Variants in LRRCC1 observed in about 807,000 individuals in gnomAD.
LRRCC1 encodes the protein leucine rich repeat and coiled-coil centrosomal protein 1.
LRRCC1 carries 115 observed loss-of-function variants against 126.0 expected under a neutral mutation model. That is an observed-to-expected ratio of 0.91 (90% CI 0.78 to 1.07). The LOEUF (loss-of-function observed/expected upper bound fraction) is 1.07, where lower values mean the gene tolerates loss of function less well. Among genes scored for constraint, LRRCC1 ranks in the 50% least tolerant of loss-of-function variants. The probability of loss-of-function intolerance (pLI) is 0.00; values close to 1 mark genes in which losing one functional copy is unlikely to be tolerated. For missense variants in LRRCC1, 1,172 were observed against 1,175.7 expected, an observed-to-expected ratio of 1.00 and a Z score of 0.05; for synonymous variants, 400 against 393.4, an observed-to-expected ratio of 1.02 and a Z score of -0.20.
chr8:85,145,808 G>A lies in LRRCC1; in HGVS notation c.*297G>A, dbSNP rs923386016. ...CACATTTGCCTACAAATTTGTGAATGAAAAGATTAGTATTTTCACCATATG... is the reference window on the plus strand; with the variant it reads ...CACATTTGCCTACAAATTTGTGAATAAAAAGATTAGTATTTTCACCATATG... On this transcript the variant is annotated 3_prime_UTR_variant, in exon 19 of 19. Coordinates refer to ENST00000360375, the MANE Select transcript of LRRCC1 (RefSeq NM_033402.5). The A allele has an allele frequency of 3.0e-5, 5 of 164,712 alleles. No homozygotes were observed. The allele number at this position is 164,712 out of a possible 1,614,324, so 10.2% of individuals were successfully genotyped here. A position where few individuals can be genotyped will look rare whatever the true frequency, so the allele number is the denominator to read the frequency against.
At position 85,141,528 on chromosome 8, in the gene LRRCC1, TA is replaced by T. The variant is rs1563960771; in HGVS notation, c.2976+15del. ...TCTGCAAATTTAAAGGTATTGTAAG[TA>T]AAATTCACTTCAATAATCAGTATAT... On this transcript the variant is annotated intron_variant, in intron 18 of 18. Transcript: ENST00000360375. The T allele has an allele frequency of 1.9e-6, 3 of 1,579,734 alleles. No individual in the cohort carries two copies. Among genetic ancestry groups the T allele is most frequent in the Non-Finnish European group, 2.6e-6 (3 of 1,156,654 alleles).
chr8:85,109,694 A>C lies in LRRCC1; in HGVS notation c.204A>C (p.Gln68His). ...CCATTGATCATATTTGGAATTTACAACATCTAGATCTGTCATCTAATCAAA... is the reference window on the plus strand; with the variant it reads ...CCATTGATCATATTTGGAATTTACACCATCTAGATCTGTCATCTAATCAAA... ...IEAIDHIWNL[Q>H]HLDLSSNQIS... The change falls in exon 2 of 19, where the codon CAA becomes CAC. Residue 68 changes from glutamine (Q) to histidine (H), a missense_variant. Gln to His is a conservative substitution (Grantham distance 24). Transcript: ENST00000360375. 6.2e-7 allele frequency: 1 copy of C among 1,605,386 alleles called. No homozygotes were observed. Among genetic ancestry groups the C allele is most frequent in the Non-Finnish European group, 8.5e-7 (1 of 1,172,296 alleles).
chr8:85,144,457 T>TAC (rs1811501572), intron 18 of LRRCC1, among the ~76,000 whole-genome samples: 1 of 44,318 alleles, frequency 2.3e-5, no homozygotes, highest in African/African-American at 8.9e-5. Flanking sequence ...TATATATATA[T>TAC]ATATATATAT....
chr8:85,124,800 G>T lies in LRRCC1; in HGVS notation c.1133G>T (p.Arg378Leu). ...TGTTTCATTCTTTACAGTTGTAATC[G>T]TAAAATGAAACCACCTTACCTTAAA... ...KNYNSFVSCN[R>L]KMKPPYLKEL... Residue 378 changes from arginine (R) to leucine (L), a missense_variant, in exon 8 of 19, where the codon CGT (arginine) becomes CTT (leucine). By Grantham distance (102) the Arg-to-Leu change is moderately radical. Transcript: ENST00000360375. The T allele has an allele frequency of 6.5e-7, 1 of 1,547,960 alleles. No individual in the cohort carries two copies. Among genetic ancestry groups the T allele is most frequent in the South Asian group, 1.2e-5 (1 of 80,790 alleles).
chr8:85,115,665 C>T (rs1587378114), intron 6 of LRRCC1, 81 bp downstream of exon 6: 1 of 989,004 alleles, frequency 1.0e-6, no homozygotes, highest in Non-Finnish European at 1.5e-6. Flanking sequence ...AAATTATGTA[C>T]TAGCTGACCA....
At chr8:85,128,959 A>G (rs1810226576) in intron 9 of LRRCC1, among the ~76,000 whole-genome samples, 1 of 151,962 alleles carries the variant, frequency 6.6e-6, no homozygotes, top group African/African-American at 2.4e-5. Flanking sequence ...TTAGGCCCTT[A>G]ACTGTTGCTT....
intron 12 of LRRCC1, among the ~76,000 whole-genome samples, chr8:85,133,549 A>G (rs990740379): frequency 2.6e-5 from 4 of 151,998 alleles, no homozygotes; most frequent in African/African-American, 9.7e-5. Context: ...TTACCCCCAA[A>G]CCTTCTACTT....
At chr8:85,145,354 A>G in intron 18 of LRRCC1, 35 bp from the exon 19 acceptor site, 2 of 1,384,776 alleles carry the variant, frequency 1.4e-6, no homozygotes, top group Non-Finnish European at 1.9e-6. Flanking sequence ...ATTTTCTTTA[A>G]GAAATTAAAA....
Position 85,123,473 on chromosome 8 carries a change from A to G in LRRCC1, c.991A>G (p.Ile331Val), listed in dbSNP as rs767142656. ...CCCCAGACCAAAAAGAGACACAGAT[A>G]TAACTTCTGAAAGTGACTATGGAAA... ...KDPRPKRDTD[I>V]TSESDYGNRK... is the part of the protein sequence containing the mutation. The change falls in exon 7 of 19, where the codon ATA becomes GTA. Residue 331 changes from isoleucine to valine, a missense_variant. Transcript: ENST00000360375. The G allele has an allele frequency of 5.6e-6, 9 of 1,610,232 alleles. No homozygotes were observed. The East Asian group carries it at 2.0e-4, about 36-fold the overall frequency.
intron 17 of LRRCC1, among the ~76,000 whole-genome samples, chr8:85,140,008 A>G (rs10088120): frequency 0.63 from 96,548 of 152,086 alleles, 31,305 homozygotes; most frequent in Non-Finnish European, 0.68. Flanking sequence ...ATCTGTTGCA[A>G]TTTTTTATCC....
At chr8:85,139,535 G>A (rs1224055170) in intron 17 of LRRCC1, among the ~76,000 whole-genome samples, 1 of 152,158 alleles carries the variant, frequency 6.6e-6, no homozygotes, top group Non-Finnish European at 1.5e-5. Context: ...CAAAGTGCTG[G>A]GATTACAGGG....
At position 85,130,009 on chromosome 8, in the gene LRRCC1, C is replaced by T. The variant is rs200057132; in HGVS notation, c.1717C>T (p.Gln573Ter). 4.3e-5 allele frequency: 69 copies of T among 1,599,208 alleles called. No homozygotes were observed. Among genetic ancestry groups the T allele is most frequent in the Non-Finnish European group, 5.7e-5 (67 of 1,174,680 alleles). Reference sequence around the variant, plus strand: ...AACTTCCCTTCATCGAGAAAGAGAACAAGCGCAACAACTTCATCAACTTCT... The same window carrying T: ...AACTTCCCTTCATCGAGAAAGAGAATAAGCGCAACAACTTCATCAACTTCT... ...LRTSLHRERE[Q>*]AQQLHQLLAL... The change falls in exon 11 of 19, where the codon CAA becomes TAA. Residue 573 changes from glutamine to a stop codon, truncating the protein, a stop_gained. Coordinates refer to ENST00000360375, the MANE Select transcript of LRRCC1 (RefSeq NM_033402.5). LOFTEE classifies it high-confidence loss of function.
At chr8:85,125,278 C>T (rs1000690451) in intron 8 of LRRCC1, among the ~76,000 whole-genome samples, 3 of 151,994 alleles carry the variant, frequency 2.0e-5, no homozygotes, top group Admixed American at 6.5e-5. Context: ...ATTTACAGGT[C>T]TTCTCAAAGA....
Position 85,109,660 on chromosome 8 carries a change from A to G in LRRCC1, c.170A>G (p.Lys57Arg), listed in dbSNP as rs768911238. 3.7e-6 allele frequency: 6 copies of G among 1,611,740 alleles called. No homozygotes were observed. The highest frequency in any genetic ancestry group is 1.1e-5 in the South Asian group (1 of 90,902). Residue 57 changes from lysine (K) to arginine (R), a missense_variant, in exon 2 of 19, where the codon AAG becomes AGG. By Grantham distance (26) the Lys-to-Arg change is conservative (BLOSUM62 2). Transcript: ENST00000360375. ...AVNLHCNNIS[K>R]IEAIDHIWNL... ...AATCTTCATTGCAATAACATCTCCA[A>G]GATCGAAGCCATTGATCATATTTGG...
intron 1 of LRRCC1, chr8:85,108,923 G>A (rs972284403): frequency 6.6e-6 from 1 of 152,256 alleles, no homozygotes; most frequent in African/African-American, 2.4e-5. Flanking sequence ...CTGTTTAGGG[G>A]AGATCCATTA....
At chr8:85,139,242 C>G (rs1222374964) in intron 17 of LRRCC1, among the ~76,000 whole-genome samples, 1 of 152,040 alleles carries the variant, frequency 6.6e-6, no homozygotes, top group Middle Eastern at 3.2e-3. Context: ...GTTGCCAGCA[C>G]AAGCTGAGGA....
intron 3 of LRRCC1, among the ~76,000 whole-genome samples, chr8:85,112,618 A>C (rs1283091210): frequency 6.6e-6 from 1 of 152,232 alleles, no homozygotes; most frequent in Non-Finnish European, 1.5e-5. Flanking sequence ...AGAGAGCCTA[A>C]AGCCATTGCT....
intron 3 of LRRCC1, among the ~76,000 whole-genome samples, chr8:85,112,027 AT>A (rs1245845217): frequency 6.6e-6 from 1 of 151,566 alleles, no homozygotes; most frequent in Admixed American, 6.6e-5. Context: ...TGCCCACCTA[AT>A]TTTTTGTATT....
At chr8:85,143,783 T>A (rs1394317429) in intron 18 of LRRCC1, among the ~76,000 whole-genome samples, 2 of 152,320 alleles carry the variant, frequency 1.3e-5, no homozygotes, top group East Asian at 3.9e-4. Context: ...AAGTTTAAGG[T>A]TTAAACACTT....
Sources: gnomAD v4.1 joint callset for allele counts (sites outside exome capture counted in the v4.1 genomes callset) on GRCh38, gnomAD v4.1.1 for gene constraint, MANE v1.5 for transcripts, NCBI Gene and HGNC (gene_info 2026-07-23, HGNC 2026-07-21) for gene names.